IL2RA: variants seen among roughly 807,000 people sequenced by gnomAD.
The protein encoded by IL2RA is interleukin 2 receptor subunit alpha, also known as interleukin-2 receptor subunit alpha.
A neutral mutation model predicts 37.8 loss-of-function variants in IL2RA; 24 were observed. The ratio of observed to expected loss-of-function variants is 0.63; its 90% CI spans 0.46 to 0.89. The LOEUF (loss-of-function observed/expected upper bound fraction) is 0.89. Ranked by LOEUF, IL2RA falls within the 40% of genes least tolerant of loss-of-function variation. IL2RA has a pLI of 0.00. For missense variants in IL2RA, 319 were observed against 348.6 expected (o/e 0.92, Z 0.68); for synonymous variants, 125 against 114.6 (o/e 1.09, Z -0.58).
rs1233999962 is a variant in IL2RA at position 6,018,780 on chromosome 10, G to A, written c.727+648C>T. Among the ~76,000 whole-genome samples the A allele has an allele frequency of 1.3e-5, 2 of 152,104 alleles. No homozygotes were observed. Among genetic ancestry groups the A allele is most frequent in the African/African-American group, 4.8e-5 (2 of 41,410 alleles). On this transcript the variant is annotated intron_variant, in intron 6 of 7. Transcript: ENST00000379959. This position sits in a 1 kb window ranked among gnomAD's most constrained non-coding sequence, Gnocchi z 5.1. ...GAATTCTGAGTTACGTCAGTATCTG[G>A]ATTAGTCTTTCACTCACACATTCTG... is the stretch of plus-strand genomic sequence containing the variant.
Position 6,014,788 on chromosome 10 carries a change from G to A in IL2RA, c.795-1892C>T, listed in dbSNP as rs1839249755. On this transcript the variant is annotated intron_variant, in intron 7 of 7. Transcript: ENST00000379959. This position sits in a 1 kb window ranked among gnomAD's most constrained non-coding sequence, Gnocchi z 4.4. Reference sequence around the variant, plus strand: ...ATCATTCCTGCTACAATAACCCTAGGGGGCTTATCATTTGCACTGCAGTAA... The same window carrying A: ...ATCATTCCTGCTACAATAACCCTAGAGGGCTTATCATTTGCACTGCAGTAA... Among the ~76,000 whole-genome samples the A allele has an allele frequency of 6.6e-6, 1 of 152,226 alleles. No homozygotes were observed. Among genetic ancestry groups the A allele is most frequent in the East Asian group, 1.9e-4 (1 of 5,186 alleles).
intron 1 of IL2RA, among the ~76,000 whole-genome samples, chr10:6,055,418 C>CTTT (rs573415550): frequency 3.9e-4 from 2 of 5,184 alleles, no homozygotes; most frequent in African/African-American, 6.2e-4. Flanking sequence ...TTGGCCATCA[C>CTTT]TTTTTTTTTT....
rs1432713880 is a variant in IL2RA at position 6,020,684 on chromosome 10, C to G, written c.584-743G>C. On this transcript the variant is annotated intron_variant, in intron 4 of 7. Coordinates refer to ENST00000379959, the MANE Select transcript of IL2RA (RefSeq NM_000417.3). This position sits in a 1 kb window ranked among gnomAD's most constrained non-coding sequence, Gnocchi z 5.6. ...AGTAGCTGGGATTACAGGCACCCAC[C>G]ACCACGCCCAGATAATTTTTGTATT... Among the ~76,000 whole-genome samples the G allele has an allele frequency of 6.6e-6, 1 of 152,114 alleles. No homozygotes were observed. The highest frequency in any genetic ancestry group is 1.5e-5 in the Non-Finnish European group (1 of 68,022).
chr10:6,015,194 G>A lies in IL2RA; in HGVS notation c.795-2298C>T, dbSNP rs553120413. ...TGCAGCCTCTGCCTCCTGGGTTCAA[G>A]CGATTCTCCTGCATCAGCCTCCCGA... is the stretch of plus-strand genomic sequence containing the variant. On this transcript the variant is annotated intron_variant, in intron 7 of 7. Coordinates refer to ENST00000379959, the MANE Select transcript of IL2RA (RefSeq NM_000417.3). The surrounding 1 kb of genome is among the most constrained non-coding windows in gnomAD (Gnocchi z 4.9). Among the ~76,000 whole-genome samples the A allele has an allele frequency of 6.6e-6, 1 of 151,860 alleles. No individual in the cohort carries two copies. Among genetic ancestry groups the A allele is most frequent in the Non-Finnish European group, 1.5e-5 (1 of 67,984 alleles).
intron 1 of IL2RA, chr10:6,039,251 T>C (rs1439839858): frequency 6.6e-6 from 1 of 152,256 alleles, no homozygotes; most frequent in East Asian, 1.9e-4. Flanking sequence ...ATAAAAATGC[T>C]ATATGTGTAT....
intron 7 of IL2RA, among the ~76,000 whole-genome samples, chr10:6,013,425 A>G (rs956350939): frequency 2.6e-5 from 4 of 152,190 alleles, no homozygotes; most frequent in Non-Finnish European, 5.9e-5. Context: ...ACTGTATTGG[A>G]CAATACGGTC....
chr10:6,051,762 G>A (rs1176477272), intron 1 of IL2RA, among the ~76,000 whole-genome samples: 3 of 130,964 alleles, frequency 2.3e-5, no homozygotes, highest in African/African-American at 8.5e-5. Context: ...CAGGTGATCT[G>A]CCCGCCTCAG....
At chr10:6,026,135 G>A in intron 1 of IL2RA, 110 bp from the exon 2 acceptor site, 1 of 1,144,790 alleles carries the variant, frequency 8.7e-7, no homozygotes, top group Non-Finnish European at 1.3e-6. Context: ...TTTAAAAGAT[G>A]GTATGCCCTA....
rs1839240510 is a variant in IL2RA at position 6,014,234 on chromosome 10, T to A, written c.795-1338A>T. On this transcript the variant is annotated intron_variant, in intron 7 of 7. Coordinates refer to ENST00000379959, the MANE Select transcript of IL2RA (RefSeq NM_000417.3). This position sits in a 1 kb window ranked among gnomAD's most constrained non-coding sequence, Gnocchi z 4.4. ...GAGCCTTCTGTAGCACATCACGGGC[T>A]CCTGGTCATTGCCCGAAACAAACAA... 6.6e-6 allele frequency among the ~76,000 whole-genome samples: 1 copy of A among 152,172 alleles called. No individual in the cohort carries two copies. Among genetic ancestry groups the A allele is most frequent in the South Asian group, 2.1e-4 (1 of 4,830 alleles).
In IL2RA at chr10:6,018,738, C is replaced by T. The variant is rs976944284; in HGVS notation, c.728-619G>A. 5.3e-5 allele frequency among the ~76,000 whole-genome samples: 8 copies of T among 152,176 alleles called. No homozygotes were observed. The highest frequency in any genetic ancestry group is 1.9e-4 in the African/African-American group (8 of 41,442). ...GACTTGAGACTTTGCTCACAGCATC[C>T]TGTAACTGGTTCATGCGAATTCTGA... On this transcript the variant is annotated intron_variant, in intron 6 of 7. Coordinates refer to ENST00000379959, the MANE Select transcript of IL2RA (RefSeq NM_000417.3). This position sits in a 1 kb window ranked among gnomAD's most constrained non-coding sequence, Gnocchi z 5.1.
Position 6,056,971 on chromosome 10 carries a change from C to A in IL2RA, c.64+5117G>T, listed in dbSNP as rs1840055646. Among the ~76,000 whole-genome samples the A allele has an allele frequency of 1.3e-5, 2 of 152,188 alleles. No homozygotes were observed. The highest frequency in any genetic ancestry group is 4.8e-5 in the African/African-American group (2 of 41,442). ...GCTGCCCCTGTGTCTTGGGGCCTCTCTCCCTGGAATGTCACTGATGGAAAT... is the reference window on the plus strand; with the variant it reads ...GCTGCCCCTGTGTCTTGGGGCCTCTATCCCTGGAATGTCACTGATGGAAAT... On this transcript the variant is annotated intron_variant, in intron 1 of 7. Coordinates refer to ENST00000379959, the MANE Select transcript of IL2RA (RefSeq NM_000417.3). This position sits in a 1 kb window ranked among gnomAD's most constrained non-coding sequence, Gnocchi z 5.0.
In IL2RA at chr10:6,020,004, C is replaced by G. The variant is rs1839359131; in HGVS notation, c.584-63G>C. 2 of 1,408,792 alleles carry G rather than the reference C, an allele frequency of 1.4e-6. No individual in the cohort carries two copies. Among genetic ancestry groups the G allele is most frequent in the East Asian group, 2.3e-5 (1 of 43,878 alleles). 87.3% of individuals were successfully genotyped at this position (1,408,792 alleles called of 1,614,324 possible). A position where few individuals can be genotyped will look rare whatever the true frequency, so the allele number is the denominator to read the frequency against. On this transcript the variant is annotated intron_variant, in intron 4 of 7. Transcript: ENST00000379959. The surrounding 1 kb of genome is among the most constrained non-coding windows in gnomAD (Gnocchi z 5.6). The stretch of plus-strand genomic sequence containing the variant: ...ACAGGAGTCAGGGCCTCACTCCCAC[C>G]CCGCCTGCCCCAGGCAGCCGGCCCC...
rs979515544 is a variant in IL2RA at position 6,028,870 on chromosome 10, A to G, written c.65-2845T>C. Among the ~76,000 whole-genome samples, 9 of 151,678 alleles carry G rather than the reference A, an allele frequency of 5.9e-5. No individual in the cohort carries two copies. The highest frequency in any genetic ancestry group is 1.2e-4 in the Non-Finnish European group (8 of 67,934). On this transcript the variant is annotated intron_variant, in intron 1 of 7. Transcript: ENST00000379959. The surrounding 1 kb of genome is among the most constrained non-coding windows in gnomAD (Gnocchi z 4.1). ...AAAGATCAGCCGAGTGTGGCAGCGCATGTCTGTAGTCCCAGGTACTTGGGA... is the reference window on the plus strand; with the variant it reads ...AAAGATCAGCCGAGTGTGGCAGCGCGTGTCTGTAGTCCCAGGTACTTGGGA...
In IL2RA at chr10:6,062,350, G is replaced by A. The variant is rs1840135214; in HGVS notation, c.-199C>T. 4.0e-6 allele frequency: 2 copies of A among 503,012 alleles called. No homozygotes were observed. The highest frequency in any genetic ancestry group is 3.3e-5 in the East Asian group (1 of 29,948). 31.2% of individuals were successfully genotyped at this position (503,012 alleles called of 1,614,324 possible). The stretch of plus-strand genomic sequence containing the variant: ...TGCTCTCTTTAAGTATTGGGCTGGC[G>A]TGTTCAGCCAGGAAACTGCCTAGCA... On this transcript the variant is annotated 5_prime_UTR_variant, in exon 1 of 8. The change creates a new upstream start codon in the 5' untranslated region. Coordinates refer to ENST00000379959, the MANE Select transcript of IL2RA (RefSeq NM_000417.3).
At chr10:6,059,447 A>G (rs12722620) in intron 1 of IL2RA, among the ~76,000 whole-genome samples, 92 of 152,350 alleles carry the variant, frequency 6.0e-4, no homozygotes, top group African/African-American at 2.1e-3. Flanking sequence ...TATCTGGCAC[A>G]TAGAAGTTAC....
Position 6,056,843 on chromosome 10 carries a change from T to C in IL2RA, c.64+5245A>G, listed in dbSNP as rs1840053783. ...TCCCACTCATGTAAAACTTCTCCCA[T>C]GGGAGACAAGGACATTGTTTGAGGG... On this transcript the variant is annotated intron_variant, in intron 1 of 7. Transcript: ENST00000379959. This position sits in a 1 kb window ranked among gnomAD's most constrained non-coding sequence, Gnocchi z 5.0. Among the ~76,000 whole-genome samples, 1 of 152,132 alleles carries C rather than the reference T, an allele frequency of 6.6e-6. No individual in the cohort carries two copies. Among genetic ancestry groups the C allele is most frequent in the Non-Finnish European group, 1.5e-5 (1 of 68,004 alleles).
At position 6,012,644 on chromosome 10, in the gene IL2RA, CT is replaced by C; in HGVS notation, c.*227del. Reference sequence around the variant, plus strand: ...CCCTTCCTCTTCAACGGCGAAATTGCTATTTAGAAGTGGGTAGCGCTCGCTC... The same window carrying C: ...CCCTTCCTCTTCAACGGCGAAATTGCATTTAGAAGTGGGTAGCGCTCGCTC... On this transcript the variant is annotated 3_prime_UTR_variant, in exon 8 of 8. Transcript: ENST00000379959. The surrounding 1 kb of genome is among the most constrained non-coding windows in gnomAD (Gnocchi z 4.8). 1 of 602,086 alleles carries C rather than the reference CT, an allele frequency of 1.7e-6. No individual in the cohort carries two copies. Among genetic ancestry groups the C allele is most frequent in the Non-Finnish European group, 3.0e-6 (1 of 335,250 alleles). The allele number at this position is 602,086 out of a possible 1,614,324, so 37.3% of individuals were successfully genotyped here.
rs534140514 is a variant in IL2RA at position 6,034,178 on chromosome 10, G to T, written c.65-8153C>A. ...TAAATTAGCCCGAGTGTCTGAAGAG[G>T]TCATGCGGGGACAAGGGGAAGTTCC... On this transcript the variant is annotated intron_variant, in intron 1 of 7. Coordinates refer to ENST00000379959, the MANE Select transcript of IL2RA (RefSeq NM_000417.3). Among the ~76,000 whole-genome samples, 3 of 152,328 alleles carry T rather than the reference G, an allele frequency of 2.0e-5. No individual in the cohort carries two copies. The South Asian group carries it at 6.2e-4, about 32-fold the overall frequency.
chr10:6,025,820 GAAGGGACAC>G lies in IL2RA; in HGVS notation c.256+5_256+13del, dbSNP rs772838002. 23 of 1,613,152 alleles carry G rather than the reference GAAGGGACAC, an allele frequency of 1.4e-5. No individual in the cohort carries two copies. Among genetic ancestry groups the G allele is most frequent in the Admixed American group, 3.3e-5 (2 of 60,008 alleles). ...AGTTCTTTTGTTCTTGGTAGTCACAGAAGGGACACTTACCAGAGCTTGTGCATTGACATT... is the reference window on the plus strand; with the variant it reads ...AGTTCTTTTGTTCTTGGTAGTCACAGTTACCAGAGCTTGTGCATTGACATT... On this transcript the variant is annotated splice_donor_5th_base_variant and intron_variant, in intron 2 of 7. Transcript: ENST00000379959. The surrounding 1 kb of genome is among the most constrained non-coding windows in gnomAD (Gnocchi z 4.4).
Sources: allele counts gnomAD v4.1 joint callset (sites outside exome capture counted in the v4.1 genomes callset), GRCh38; gene constraint gnomAD v4.1.1; non-coding constraint Gnocchi (gnomAD v3.1); transcripts MANE v1.5; gene names NCBI Gene and HGNC (gene_info 2026-07-23, HGNC 2026-07-21).